Variants in ADAMTS19 observed in about 807,000 individuals in gnomAD.
The protein encoded by ADAMTS19 is A disintegrin and metalloproteinase with thrombospondin motifs 19.
In ADAMTS19, 93 loss-of-function variants were observed where a neutral mutation model predicts 153.3. The observed-to-expected ratio is 0.61, with a 90% CI of 0.51 to 0.72. The LOEUF (loss-of-function observed/expected upper bound fraction) is 0.72, where lower values mean the gene tolerates loss of function less well. Ranked by LOEUF, ADAMTS19 falls within the 30% of genes least tolerant of loss-of-function variation. The pLI is 0.00. For synonymous variants in ADAMTS19, 600 were observed against 556.6 expected (o/e 1.08, Z -1.10); for missense variants, 1,482 against 1,552.1 (o/e 0.95, Z 0.76).
rs148208924 is a variant in ADAMTS19 at position 129,462,613 on chromosome 5, GT to G, written c.747+857del. On this transcript the variant is annotated intron_variant, in intron 2 of 22. Coordinates refer to ENST00000274487, the MANE Select transcript of ADAMTS19 (RefSeq NM_133638.6). ...TAAGTTGACCTTTGTGTGTGTGTGT[GT>G]GTGGGGGGGTCAAATATGCATAACA... 1.8e-3 allele frequency among the ~76,000 whole-genome samples: 258 copies of G among 146,266 alleles called. 8 individuals are homozygous for G. Among genetic ancestry groups the G allele is most frequent in the East Asian group, 4.7e-3 (23 of 4,876 alleles).
At chr5:129,517,942 C>T (rs760560343) in intron 3 of ADAMTS19, among the ~76,000 whole-genome samples, 1 of 151,776 alleles carries the variant, frequency 6.6e-6, no homozygotes, top group Non-Finnish European at 1.5e-5. Flanking sequence ...GCTTTTTATT[C>T]TCTATGTATT....
rs558185296 is a variant in ADAMTS19, at chr5:129,542,574, G to A, written c.1329-9290G>A. ...TATCTTGTATATTGAAGGGGATGGT[G>A]ACTGCTTGGAAAAAGTAGTTGCATG... On this transcript the variant is annotated intron_variant, in intron 6 of 22. Transcript: ENST00000274487. 1.1e-3 allele frequency among the ~76,000 whole-genome samples: 175 copies of A among 152,264 alleles called. 1 individual carries two copies. Among genetic ancestry groups the A allele is most frequent in the African/African-American group, 4.1e-3 (171 of 41,554 alleles).
chr5:129,479,122 G>A (rs144365533), intron 2 of ADAMTS19, among the ~76,000 whole-genome samples: 2 of 152,120 alleles, frequency 1.3e-5, no homozygotes, highest in South Asian at 4.1e-4. Flanking sequence ...GAGGCCTAGA[G>A]GTGAAATTTA....
At chr5:129,604,966 A>G (rs983853230) in intron 8 of ADAMTS19, among the ~76,000 whole-genome samples, 4 of 152,154 alleles carry the variant, frequency 2.6e-5, no homozygotes, top group African/African-American at 4.8e-5. Flanking sequence ...ATTATCTTTG[A>G]GTGTTCTCTG....
chr5:129,516,608 T>A (rs1751620117), intron 3 of ADAMTS19, among the ~76,000 whole-genome samples: 1 of 151,938 alleles, frequency 6.6e-6, no homozygotes, highest in South Asian at 2.1e-4. Flanking sequence ...TGGCTACTAA[T>A]GATCCTTTGA....
At chr5:129,531,738 G>A (rs1002689805) in intron 6 of ADAMTS19, among the ~76,000 whole-genome samples, 3 of 151,924 alleles carry the variant, frequency 2.0e-5, no homozygotes, top group Non-Finnish European at 4.4e-5. Flanking sequence ...GGACTTACAC[G>A]ATATGATTTC....
At chr5:129,586,613 T>A (rs1433233127) in intron 7 of ADAMTS19, among the ~76,000 whole-genome samples, 1 of 152,254 alleles carries the variant, frequency 6.6e-6, no homozygotes, top group Non-Finnish European at 1.5e-5. Flanking sequence ...GCTATAAACA[T>A]CCATGTGCAG....
At chr5:129,683,774 A>G (rs963049128) in intron 17 of ADAMTS19, among the ~76,000 whole-genome samples, 1 of 150,950 alleles carries the variant, frequency 6.6e-6, no homozygotes, top group African/African-American at 2.4e-5. Context: ...AACTAAAGTC[A>G]TCTTATACAT....
chr5:129,685,326 G>A (rs1000827210), intron 18 of ADAMTS19, among the ~76,000 whole-genome samples: 2 of 151,744 alleles, frequency 1.3e-5, no homozygotes, highest in Non-Finnish European at 2.9e-5. Flanking sequence ...GGAGAGATGA[G>A]GAGAAATAAG....
At chr5:129,558,200 C>T (rs1366844120) in intron 7 of ADAMTS19, among the ~76,000 whole-genome samples, 1 of 151,962 alleles carries the variant, frequency 6.6e-6, no homozygotes, top group Non-Finnish European at 1.5e-5. Context: ...ATTCTGCTAC[C>T]ACCACTTCTA....
chr5:129,548,371 T>C (rs1752939476), intron 6 of ADAMTS19, among the ~76,000 whole-genome samples: 2 of 148,712 alleles, frequency 1.3e-5, no homozygotes, highest in Non-Finnish European at 1.5e-5. Context: ...GTGAAGGATA[T>C]GAACAGACAC....
Position 129,622,234 on chromosome 5 carries a change from G to T in ADAMTS19, c.1656G>T (p.Pro552=), listed in dbSNP as rs200248424. ...GTAACTGCTTGCTACAAACAAATCC[G>T]CAGAGTGTCAATTCTGTGATGGTTC... ...KASNCLLQTN[P]QSVNSVMVPS... Residue 552 remains proline, a synonymous_variant, in exon 10 of 23, where the codon CCG becomes CCT. Coordinates refer to ENST00000274487, the MANE Select transcript of ADAMTS19 (RefSeq NM_133638.6). The T allele has an allele frequency of 1.7e-5, 28 of 1,614,000 alleles. No homozygotes were observed. The highest frequency in any genetic ancestry group is 3.3e-4 in the Middle Eastern group (2 of 6,060).
chr5:129,613,790 G>A (rs1438025945), intron 8 of ADAMTS19, among the ~76,000 whole-genome samples: 10 of 151,598 alleles, frequency 6.6e-5, no homozygotes, highest in African/African-American at 1.2e-4. Flanking sequence ...GACTGCTAGC[G>A]AGACTAATAA....
chr5:129,487,105 A>C (rs1197400815), intron 2 of ADAMTS19, among the ~76,000 whole-genome samples: 1 of 152,214 alleles, frequency 6.6e-6, no homozygotes, highest in Non-Finnish European at 1.5e-5. Flanking sequence ...AATTAGGGTA[A>C]AGTTAGAGGT....
chr5:129,668,111 T>C (rs886604392), intron 16 of ADAMTS19, among the ~76,000 whole-genome samples: 1 of 152,190 alleles, frequency 6.6e-6, no homozygotes, highest in Non-Finnish European at 1.5e-5. Flanking sequence ...TTTCCAACTC[T>C]AGTGGCTGCC....
At position 129,737,214 on chromosome 5, in the gene ADAMTS19, G is replaced by C; in HGVS notation, c.3638G>C (p.Ser1213Thr). The C allele has an allele frequency of 6.3e-7, 1 of 1,597,262 alleles. No homozygotes were observed. Among genetic ancestry groups the C allele is most frequent in the African/African-American group, 1.3e-5 (1 of 74,650 alleles). The part of the protein sequence containing the change: ...DFYAQKLQQK[S>T] ...TATGCCCAAAAGCTGCAGCAGAAGA[G>C]TTGACCTCTAGCAGGCTGGCTGGAT... is the stretch of plus-strand genomic sequence containing the variant. Residue 1213 changes from serine to threonine, a missense_variant, in exon 23 of 23, where the codon AGT becomes ACT. This residue lies in a region of ADAMTS19 where 616 missense variants were observed against 724.4 expected (regional missense o/e 0.85). Transcript: ENST00000274487.
intron 19 of ADAMTS19, 147 bp from the exon 20 acceptor site, chr5:129,701,241 A>G (rs1561657399): frequency 2.4e-6 from 2 of 846,182 alleles, no homozygotes; most frequent in African/African-American, 3.4e-5. Flanking sequence ...AGGCCTCCCC[A>G]GCCACATGGA....
At chr5:129,659,789 A>G (rs1040465613) in intron 15 of ADAMTS19, among the ~76,000 whole-genome samples, 1 of 151,846 alleles carries the variant, frequency 6.6e-6, no homozygotes, top group Middle Eastern at 3.2e-3. Context: ...GGGTCTCACT[A>G]TGTTCCATAG....
intron 8 of ADAMTS19, among the ~76,000 whole-genome samples, chr5:129,618,788 A>G (rs537128995): frequency 1.3e-5 from 2 of 152,152 alleles, no homozygotes; most frequent in South Asian, 4.1e-4. Context: ...CCATTATCTC[A>G]GGCTATGCAT....
Sources: allele counts gnomAD v4.1 joint callset (sites outside exome capture counted in the v4.1 genomes callset), GRCh38; gene constraint gnomAD v4.1.1; regional missense constraint gnomAD v4.1.1; transcripts MANE v1.5; gene names NCBI Gene and HGNC (gene_info 2026-07-23, HGNC 2026-07-21).